The following GRXCR1 variants were observed in gnomAD, a reference collection of about 807,000 sequenced individuals.
The protein encoded by GRXCR1 is glutaredoxin and cysteine rich domain containing 1.
Under a neutral mutation model 27.3 loss-of-function variants are expected in GRXCR1, and 27 were observed. That is an observed-to-expected ratio of 0.99 (90% confidence interval 0.73 to 1.37). The LOEUF is 1.37. GRXCR1 is among the 40% of genes most tolerant of loss of function. The pLI is 0.00. For synonymous variants in GRXCR1, 122 were observed against 131.1 expected, an observed-to-expected ratio of 0.93 and a Z score of 0.47; for missense variants, 379 against 354.4, an observed-to-expected ratio of 1.07 and a Z score of -0.56.
chr4:43,001,234 A>C (rs1473722013), intron 2 of GRXCR1, among the ~76,000 whole-genome samples: 1 of 152,114 alleles, frequency 6.6e-6, no homozygotes, highest in African/African-American at 2.4e-5. Flanking sequence ...AAAATATAAA[A>C]TATACTTTTA....
intron 2 of GRXCR1, among the ~76,000 whole-genome samples, chr4:42,982,573 TA>T (rs1748701850): frequency 8.2e-6 from 1 of 122,698 alleles, no homozygotes. Context: ...ATATACCCAG[TA>T]ATGGGATGGC....
intron 1 of GRXCR1, among the ~76,000 whole-genome samples, chr4:42,940,509 A>AC (rs1747593755): frequency 6.6e-6 from 1 of 152,070 alleles, no homozygotes; most frequent in Non-Finnish European, 1.5e-5. Context: ...TGAAACAAAA[A>AC]ATGCAAATTA....
In GRXCR1 at chr4:43,030,365, T is replaced by C. The variant is rs1285589545; in HGVS notation, c.698T>C (p.Val233Ala). Residue 233 changes from valine to alanine, a missense_variant, in exon 4 of 4, where the codon GTA becomes GCA. Physicochemically the swap from Val to Ala is moderately conservative, Grantham distance 64 (BLOSUM62 0). Transcript: ENST00000399770. ...LQDILTKIERVQHPHECPSCG... is the reference protein window; with the variant it reads ...LQDILTKIERAQHPHECPSCG... The stretch of plus-strand genomic sequence containing the variant: ...TTCCCCTGCCACCTTATACAGAGAG[T>C]ACAGCATCCACATGAGTGTCCCTCT... The C allele has an allele frequency of 8.1e-6, 13 of 1,613,464 alleles. No individual in the cohort carries two copies. The highest frequency in any genetic ancestry group is 1.1e-5 in the Non-Finnish European group (13 of 1,179,908).
chr4:42,924,026 T>C (rs528365699), intron 1 of GRXCR1, among the ~76,000 whole-genome samples: 1 of 152,210 alleles, frequency 6.6e-6, no homozygotes, highest in East Asian at 1.9e-4. Flanking sequence ...GCACAACTGA[T>C]TGTGATACTA....
chr4:42,983,853 TCAGA>T (rs1417604496), intron 2 of GRXCR1, among the ~76,000 whole-genome samples: 25 of 148,074 alleles, frequency 1.7e-4, no homozygotes, highest in African/African-American at 6.0e-4. Context: ...TTTTTTTTTT[TCAGA>T]CAGAGTCTCA....
intron 3 of GRXCR1, among the ~76,000 whole-genome samples, chr4:43,026,500 T>G (rs28651016): frequency 7.5e-6 from 1 of 134,112 alleles, no homozygotes; most frequent in African/African-American, 3.9e-5. Context: ...TGCTGAGGGG[T>G]CACTGGGGAG....
chr4:42,993,732 A>G (rs761586890), intron 2 of GRXCR1, among the ~76,000 whole-genome samples: 25 of 152,154 alleles, frequency 1.6e-4, no homozygotes, highest in Non-Finnish European at 3.1e-4. Context: ...AATGTGTATC[A>G]TTTCCACACC....
At position 42,907,158 on chromosome 4, in the gene GRXCR1, T is replaced by C. The variant is rs1008997277; in HGVS notation, c.384+13508T>C. Among the ~76,000 whole-genome samples, 4 of 152,262 alleles carry C rather than the reference T, an allele frequency of 2.6e-5. 1 individual carries two copies. The highest frequency in any genetic ancestry group is 6.8e-3 in the Middle Eastern group (2 of 294). On this transcript the variant is annotated intron_variant, in intron 1 of 3. Transcript: ENST00000399770. ...CGCTGGAGATGGTCTGGAATACAAATTGTAGCATGTATTTGGCCTCACCTG... is the reference window on the plus strand; with the variant it reads ...CGCTGGAGATGGTCTGGAATACAAACTGTAGCATGTATTTGGCCTCACCTG...
chr4:42,987,241 A>ATATAATTATAT (rs1276367661), intron 2 of GRXCR1, among the ~76,000 whole-genome samples: 3 of 66,460 alleles, frequency 4.5e-5, no homozygotes, highest in Non-Finnish European at 9.3e-5. Flanking sequence ...ATATATATAT[A>ATATAATTATAT]ATATATAATA....
intron 2 of GRXCR1, among the ~76,000 whole-genome samples, chr4:42,995,674 G>T (rs906939415): frequency 5.3e-5 from 8 of 152,100 alleles, no homozygotes; most frequent in East Asian, 1.9e-4. Context: ...GAAAGAAAAA[G>T]AAGTATATGT....
intron 1 of GRXCR1, among the ~76,000 whole-genome samples, chr4:42,915,174 C>T (rs968484181): frequency 5.9e-5 from 9 of 152,086 alleles, no homozygotes; most frequent in Admixed American, 6.6e-5. Flanking sequence ...GTAAAAGAGG[C>T]GGGGTAAACC....
At chr4:42,911,955 T>A (rs982529461) in intron 1 of GRXCR1, among the ~76,000 whole-genome samples, 1 of 152,098 alleles carries the variant, frequency 6.6e-6, no homozygotes, top group African/African-American at 2.4e-5. Context: ...AGGGTTTATG[T>A]GGGAAAATGA....
At chr4:43,022,389 G>A (rs1050118841) in intron 3 of GRXCR1, among the ~76,000 whole-genome samples, 7 of 152,106 alleles carry the variant, frequency 4.6e-5, no homozygotes, top group African/African-American at 1.4e-4. Flanking sequence ...TTGATCAACA[G>A]TACCATGGTA....
chr4:42,964,773 A>AC (rs1341399274), intron 2 of GRXCR1, among the ~76,000 whole-genome samples: 2 of 152,012 alleles, frequency 1.3e-5, no homozygotes, highest in African/African-American at 4.8e-5. Flanking sequence ...TTTCAAATGA[A>AC]CATATGTTGA....
At chr4:42,947,203 G>A (rs559367552) in intron 1 of GRXCR1, among the ~76,000 whole-genome samples, 2 of 152,130 alleles carry the variant, frequency 1.3e-5, no homozygotes, top group Non-Finnish European at 2.9e-5. Flanking sequence ...GAGGTCATCA[G>A]AGAGGATGAG....
intron 1 of GRXCR1, among the ~76,000 whole-genome samples, chr4:42,937,176 T>C (rs549732903): frequency 2.2e-4 from 33 of 151,978 alleles, no homozygotes; most frequent in Non-Finnish European, 4.6e-4. Flanking sequence ...ATAATTTGAT[T>C]ATATAATCTA....
chr4:43,026,399 T>G (rs1259426227), intron 3 of GRXCR1, among the ~76,000 whole-genome samples: 1 of 152,082 alleles, frequency 6.6e-6, no homozygotes, highest in Non-Finnish European at 1.5e-5. Flanking sequence ...TAAATTGTGC[T>G]GGAAGATGTA....
At chr4:42,917,084 C>T (rs576781789) in intron 1 of GRXCR1, among the ~76,000 whole-genome samples, 1 of 152,222 alleles carries the variant, frequency 6.6e-6, no homozygotes, top group African/African-American at 2.4e-5. Context: ...AAAAAGAAGA[C>T]TGATATGAAG....
At chr4:42,985,072 G>A (rs147111631) in intron 2 of GRXCR1, among the ~76,000 whole-genome samples, 1 of 152,292 alleles carries the variant, frequency 6.6e-6, no homozygotes, top group African/African-American at 2.4e-5. Flanking sequence ...TCAAGGAGGG[G>A]TGACATGGAT....
Sources: gnomAD v4.1 joint callset for allele counts (sites outside exome capture counted in the v4.1 genomes callset) on GRCh38, gnomAD v4.1.1 for gene constraint, MANE v1.5 for transcripts, NCBI Gene and HGNC (gene_info 2026-07-23, HGNC 2026-07-21) for gene names.